TNKS: variants seen among roughly 807,000 people sequenced by gnomAD.
TNKS encodes poly [ADP-ribose] polymerase tankyrase-1.
Under a neutral mutation model 135.8 loss-of-function variants are expected in TNKS, and 72 were observed. The observed-to-expected ratio is 0.53, with a 90% CI of 0.44 to 0.64. The LOEUF is 0.64. TNKS is among the 30% of genes least tolerant of loss of function. The pLI, the probability that TNKS is intolerant of heterozygous loss-of-function variation, is 0.00. For missense variants in TNKS, 1,769 were observed against 1,674.0 expected (o/e 1.06, Z -0.99); for synonymous variants, 849 against 649.3 (o/e 1.31, Z -4.68).
At chr8:9,574,599 A>G (rs2129052197) in intron 1 of TNKS, among the ~76,000 whole-genome samples, 1 of 152,250 alleles carries the variant, frequency 6.6e-6, no homozygotes, top group Non-Finnish European at 1.5e-5. Flanking sequence ...TTACAATGAA[A>G]CCCAATCTTC....
chr8:9,562,106 C>A (rs767806085), intron 1 of TNKS, among the ~76,000 whole-genome samples: 1 of 152,104 alleles, frequency 6.6e-6, no homozygotes, highest in Non-Finnish European at 1.5e-5. Context: ...AGTGACCCAC[C>A]ACGCCTGGCC....
chr8:9,620,118 T>A (rs1218320113), intron 3 of TNKS, among the ~76,000 whole-genome samples: 1 of 151,990 alleles, frequency 6.6e-6, no homozygotes, highest in East Asian at 1.9e-4. Flanking sequence ...CCCAGCTAAT[T>A]TTTGTATTTT....
At chr8:9,740,652 T>G (rs1195085231) in intron 17 of TNKS, among the ~76,000 whole-genome samples, 1 of 152,170 alleles carries the variant, frequency 6.6e-6, no homozygotes, top group Non-Finnish European at 1.5e-5. Flanking sequence ...ACTACAGTAT[T>G]TAAAGTTACC....
intron 3 of TNKS, among the ~76,000 whole-genome samples, chr8:9,625,477 G>C (rs1011445583): frequency 6.6e-6 from 1 of 151,810 alleles, no homozygotes; most frequent in Non-Finnish European, 1.5e-5. Flanking sequence ...TAGGAGCTTA[G>C]AAAATTGACC....
chr8:9,649,809 C>T (rs1801070190), intron 3 of TNKS, among the ~76,000 whole-genome samples: 1 of 150,866 alleles, frequency 6.6e-6, no homozygotes, highest in Non-Finnish European at 1.5e-5. Flanking sequence ...TATTTCATTC[C>T]TTTTTATGGC....
intron 5 of TNKS, among the ~76,000 whole-genome samples, chr8:9,687,974 G>T (rs1803085054): frequency 6.6e-6 from 1 of 152,150 alleles, no homozygotes; most frequent in Non-Finnish European, 1.5e-5. Flanking sequence ...GCAGTAGCTG[G>T]AAAAACACCC....
At chr8:9,683,308 G>C (rs922606059) in intron 5 of TNKS, among the ~76,000 whole-genome samples, 7 of 151,986 alleles carry the variant, frequency 4.6e-5, no homozygotes, top group African/African-American at 1.7e-4. Flanking sequence ...ACAAGTATCT[G>C]TCCTAGTAGA....
chr8:9,766,421 C>T lies in TNKS; in HGVS notation c.3736C>T (p.His1246Tyr). 6.3e-7 allele frequency: 1 copy of T among 1,579,870 alleles called. No individual in the cohort carries two copies. Among genetic ancestry groups the T allele is most frequent in the Non-Finnish European group, 8.6e-7 (1 of 1,159,670 alleles). ...THKDRSCYICHRQMLFCRVTL... is the reference protein window; with the variant it reads ...THKDRSCYICYRQMLFCRVTL... ...CAAGGACAGGTCATGCTATATATGTCACAGGTAAGCATCTTGCCATTAGTG... is the reference window on the plus strand; with the variant it reads ...CAAGGACAGGTCATGCTATATATGTTACAGGTAAGCATCTTGCCATTAGTG... The change falls in exon 25 of 27, where the codon CAC (histidine) becomes TAC (tyrosine). Residue 1246 changes from histidine to tyrosine, a missense_variant. Coordinates refer to ENST00000310430, the MANE Select transcript of TNKS (RefSeq NM_003747.3).
intron 1 of TNKS, among the ~76,000 whole-genome samples, chr8:9,567,437 A>C (rs1472244744): frequency 6.6e-6 from 1 of 152,104 alleles, no homozygotes; most frequent in Non-Finnish European, 1.5e-5. Context: ...TTTTTTTGAG[A>C]CGGAGTCTCG....
chr8:9,582,570 C>G (rs1345422359), intron 2 of TNKS, among the ~76,000 whole-genome samples: 3 of 152,214 alleles, frequency 2.0e-5, no homozygotes, highest in Non-Finnish European at 4.4e-5. Flanking sequence ...AGCACATGCT[C>G]CAGGCTTATA....
At chr8:9,605,449 A>C (rs572366571) in intron 2 of TNKS, among the ~76,000 whole-genome samples, 64 of 152,122 alleles carry the variant, frequency 4.2e-4, no homozygotes, top group African/African-American at 1.4e-3. Flanking sequence ...TTCACATGCA[A>C]GTCTTTTGTG....
At chr8:9,656,617 T>TC (rs1801384581) in intron 3 of TNKS, among the ~76,000 whole-genome samples, 1 of 149,564 alleles carries the variant, frequency 6.7e-6, no homozygotes. Context: ...TTTTCTTTTT[T>TC]TTTTTTTTTA....
intron 26 of TNKS, among the ~76,000 whole-genome samples, chr8:9,776,381 T>C (rs1056937207): frequency 1.3e-5 from 2 of 152,220 alleles, no homozygotes; most frequent in Admixed American, 6.5e-5. Flanking sequence ...TCCCTGCTTA[T>C]GACACATGGC....
chr8:9,631,692 T>C (rs1800295306), intron 3 of TNKS, among the ~76,000 whole-genome samples: 1 of 152,160 alleles, frequency 6.6e-6, no homozygotes, highest in Non-Finnish European at 1.5e-5. Context: ...TTTTTGACTT[T>C]CCATCTTATT....
chr8:9,740,270 G>C (rs1470839594), intron 17 of TNKS, among the ~76,000 whole-genome samples: 1 of 152,072 alleles, frequency 6.6e-6, no homozygotes, highest in East Asian at 1.9e-4. Context: ...ATCCCTTCTT[G>C]ACTGTAAAAA....
At chr8:9,575,022 C>T in intron 1 of TNKS, 2 of 985,058 alleles carry the variant, frequency 2.0e-6, no homozygotes, top group Non-Finnish European at 2.4e-6. Flanking sequence ...CGTTGATAAA[C>T]TGCTATGTGT....
intron 26 of TNKS, among the ~76,000 whole-genome samples, chr8:9,771,850 G>GAGAGGAAGGAAGGGAA (rs1554490306): frequency 5.3e-4 from 15 of 28,104 alleles, no homozygotes; most frequent in African/African-American, 9.2e-4. Context: ...AGGGGAGGGA[G>GAGAGGAAGGAAGGGAA]GGAGAGAGAG....
At chr8:9,606,686 G>A (rs1315485774) in intron 2 of TNKS, among the ~76,000 whole-genome samples, 1 of 152,032 alleles carries the variant, frequency 6.6e-6, no homozygotes, top group Non-Finnish European at 1.5e-5. Context: ...GATATGCTGG[G>A]TATGATTTTT....
At position 9,695,004 on chromosome 8, in the gene TNKS, CCTTTT is replaced by C. The variant is rs527854587; in HGVS notation, c.1108-9655_1108-9651del. On this transcript the variant is annotated intron_variant, in intron 5 of 26. Transcript: ENST00000310430. ...CCCCAGCATTATCAGAGCAAGGAAA[CCTTTT>C]CTTATGTACCCAGCAGTCATTTGTG... is the stretch of plus-strand genomic sequence containing the variant. 1.9e-4 allele frequency among the ~76,000 whole-genome samples: 29 copies of C among 152,208 alleles called. No homozygotes were observed. The South Asian group carries it at 6.0e-3, about 32-fold the overall frequency.
Sources: allele counts gnomAD v4.1 joint callset (sites outside exome capture counted in the v4.1 genomes callset), GRCh38; gene constraint gnomAD v4.1.1; transcripts MANE v1.5; gene names NCBI Gene and HGNC (gene_info 2026-07-23, HGNC 2026-07-21).